ATP8B1: variants seen among roughly 807,000 people sequenced by gnomAD.
ATP8B1 encodes the protein ATPase phospholipid transporting 8B1, also known as phospholipid-transporting ATPase IC.
In ATP8B1, 80 loss-of-function variants were observed where a neutral mutation model predicts 149.9. The ratio of observed to expected loss-of-function variants is 0.53; its 90% CI spans 0.45 to 0.64. The LOEUF (loss-of-function observed/expected upper bound fraction) is 0.64. Among genes scored for constraint, ATP8B1 ranks in the 30% least tolerant of loss-of-function variants. The pLI is 0.00. For synonymous variants in ATP8B1, 536 were observed against 562.8 expected (o/e 0.95, Z 0.67); for missense variants, 1,247 against 1,552.6 (o/e 0.80, Z 3.31).
intron 22 of ATP8B1, among the ~76,000 whole-genome samples, chr18:57,656,736 G>GA (rs1910024870): frequency 6.7e-6 from 1 of 149,630 alleles, no homozygotes; most frequent in African/African-American, 2.5e-5. Flanking sequence ...GTAGTGGGGA[G>GA]AGAGGGGTGG....
At chr18:57,763,190 C>A (rs11664011) in intron 1 of ATP8B1, among the ~76,000 whole-genome samples, 1 of 152,088 alleles carries the variant, frequency 6.6e-6, no homozygotes. Context: ...GGTCAAGGTT[C>A]GAGACCAGCC....
chr18:57,661,698 T>C lies in ATP8B1; in HGVS notation c.2419-236A>G, dbSNP rs62094221. Among the ~76,000 whole-genome samples, 3,124 of 27,652 alleles carry C rather than the reference T, an allele frequency of 0.11. 75 individuals are homozygous for C. Among genetic ancestry groups the C allele is most frequent in the African/African-American group, 0.21 (1,836 of 8,560 alleles). 18.1% of individuals were successfully genotyped at this position (27,652 alleles called of 152,430 possible). On this transcript the variant is annotated intron_variant, in intron 21 of 27. Coordinates refer to ENST00000648908, the MANE Select transcript of ATP8B1 (RefSeq NM_001374385.1). ...ATATACACACACACACACACACACA[T>C]ATATATATATATATATTTTTTTTTT...
intron 1 of ATP8B1, among the ~76,000 whole-genome samples, chr18:57,783,307 C>A (rs1355292223): frequency 6.6e-6 from 1 of 152,120 alleles, no homozygotes; most frequent in East Asian, 1.9e-4. Flanking sequence ...ATTTATATAT[C>A]TTTATGTTTA....
chr18:57,743,305 C>CAG (rs1234863645), intron 1 of ATP8B1, among the ~76,000 whole-genome samples: 2 of 152,142 alleles, frequency 1.3e-5, no homozygotes, highest in Admixed American at 1.3e-4. Flanking sequence ...CAGGAAGCAT[C>CAG]AGAGCCTGCT....
chr18:57,661,086 T>TA (rs1325543766), intron 22 of ATP8B1, 88 bp downstream of exon 22: 1 of 1,523,474 alleles, frequency 6.6e-7, no homozygotes, highest in East Asian at 2.4e-5. Context: ...CTGTAAAATC[T>TA]AAAAAAAGAA....
intron 12 of ATP8B1, 117 bp from the exon 13 acceptor site, chr18:57,688,624 A>C: frequency 9.7e-7 from 1 of 1,032,778 alleles, no homozygotes; most frequent in Non-Finnish European, 1.5e-6. Context: ...TATGGTCTGA[A>C]TGTTAGAATC....
At chr18:57,751,132 T>C (rs552497924) in intron 1 of ATP8B1, among the ~76,000 whole-genome samples, 5 of 151,996 alleles carry the variant, frequency 3.3e-5, no homozygotes, top group African/African-American at 9.6e-5. Flanking sequence ...AAAAATAAAA[T>C]AGAATAAGAA....
intron 17 of ATP8B1, among the ~76,000 whole-genome samples, chr18:57,670,790 C>G (rs1231964768): frequency 6.6e-6 from 1 of 151,956 alleles, no homozygotes; most frequent in Admixed American, 6.6e-5. Flanking sequence ...CACTCTACCC[C>G]CTCCCTCTGG....
intron 2 of ATP8B1, among the ~76,000 whole-genome samples, chr18:57,720,013 CA>C (rs1249546255): frequency 6.6e-6 from 1 of 151,902 alleles, no homozygotes; most frequent in Non-Finnish European, 1.5e-5. Context: ...CAGGGTATTC[CA>C]ACAGACCTGC....
In ATP8B1 at chr18:57,668,538, G is replaced by A. The variant is rs747771646; in HGVS notation, c.2100C>T (p.Leu700=). The A allele has an allele frequency of 9.3e-5, 77 of 831,740 alleles. No individual in the cohort carries two copies. In the Middle Eastern group the frequency reaches 1.0e-3, roughly 11 times the overall value. The allele number at this position is 831,740 out of a possible 1,614,324, so 51.5% of individuals were successfully genotyped here. ...TGTCTTCAATAGCTGTAGCTCCCAG[G>A]AGCTAGAATGTATATTAAAAAAAAA... is the stretch of plus-strand genomic sequence containing the variant. ...VYEEIEKDLI[L]LGATAIEDKL... is the part of the protein sequence containing the mutation. The change falls in exon 19 of 28, where the codon CTC becomes CTT. Residue 700 remains leucine (L), a splice_region_variant and synonymous_variant. Coordinates refer to ENST00000648908, the MANE Select transcript of ATP8B1 (RefSeq NM_001374385.1).
At chr18:57,768,282 G>T in intron 1 of ATP8B1, among the ~76,000 whole-genome samples, 1 of 151,204 alleles carries the variant, frequency 6.6e-6, no homozygotes, top group African/African-American at 2.4e-5. Flanking sequence ...AGCTACTGGG[G>T]AGGCTGAGGC....
intron 1 of ATP8B1, among the ~76,000 whole-genome samples, chr18:57,800,757 A>G (rs2080565896): frequency 6.6e-6 from 1 of 152,230 alleles, no homozygotes; most frequent in Non-Finnish European, 1.5e-5. Flanking sequence ...ACAAGAATTC[A>G]TTTAAGGTTA....
At chr18:57,650,759 C>T (rs1909559245) in intron 26 of ATP8B1, among the ~76,000 whole-genome samples, 1 of 152,096 alleles carries the variant, frequency 6.6e-6, no homozygotes. Context: ...ATTGCTTGAA[C>T]CCGGAAGGCG....
intron 1 of ATP8B1, among the ~76,000 whole-genome samples, chr18:57,767,942 C>T (rs2080228222): frequency 6.6e-6 from 1 of 152,146 alleles, no homozygotes; most frequent in Non-Finnish European, 1.5e-5. Context: ...TTTGGGTCTT[C>T]ACTCATGAAA....
In ATP8B1 at chr18:57,697,807, A is replaced by AT. The variant is rs761784230; in HGVS notation, c.614dup (p.Asn205LysfsTer2). 8.7e-6 allele frequency: 14 copies of AT among 1,613,368 alleles called. No homozygotes were observed. Among genetic ancestry groups the AT allele is most frequent in the Admixed American group, 1.7e-5 (1 of 59,964 alleles). On this transcript the variant is annotated frameshift_variant, in exon 7 of 28. Transcript: ENST00000648908. LOFTEE classifies it high-confidence loss of function. ...TTTGTTCACTTACTGGAACAAAATC[A>AT]TTTTTTTTCAGACGAATGACGTCTC...
chr18:57,652,385 A>G (rs1476176623), intron 25 of ATP8B1, 99 bp downstream of exon 25: 1 of 1,533,952 alleles, frequency 6.5e-7, no homozygotes, highest in East Asian at 2.3e-5. Flanking sequence ...TAAGTGGCAC[A>G]GGTGCAGTGG....
At chr18:57,760,827 A>G (rs1277094024) in intron 1 of ATP8B1, among the ~76,000 whole-genome samples, 6 of 151,870 alleles carry the variant, frequency 4.0e-5, no homozygotes, top group African/African-American at 1.5e-4. Flanking sequence ...CGTCTCTACT[A>G]AAAATACAAA....
chr18:57,770,901 TC>T (rs1191607323), intron 1 of ATP8B1, among the ~76,000 whole-genome samples: 1 of 152,232 alleles, frequency 6.6e-6, no homozygotes, highest in African/African-American at 2.4e-5. Flanking sequence ...TCTCGCTCTG[TC>T]GCCCAGGCTG....
chr18:57,650,578 C>T (rs931336099), intron 26 of ATP8B1, 81 bp from the exon 27 acceptor site: 133 of 1,534,764 alleles, frequency 8.7e-5, no homozygotes, highest in East Asian at 2.7e-4. Context: ...TGTGGTGGCT[C>T]ATGCCTGTAA....
Sources: gnomAD v4.1 joint callset for allele counts (sites outside exome capture counted in the v4.1 genomes callset) on GRCh38, gnomAD v4.1.1 for gene constraint, MANE v1.5 for transcripts, NCBI Gene and HGNC (gene_info 2026-07-23, HGNC 2026-07-21) for gene names.